Variants in KCNB2 observed in about 807,000 individuals in gnomAD.
KCNB2 encodes the protein delayed rectifier potassium channel protein.
In KCNB2, 15 loss-of-function variants were observed where a neutral mutation model predicts 61.5. The ratio of observed to expected loss-of-function variants is 0.24; its 90% CI spans 0.16 to 0.38. The LOEUF is 0.38. KCNB2 is among the 10% of genes least tolerant of loss of function. KCNB2 has a pLI of 1.00. For missense variants in KCNB2, 828 were observed against 1,125.2 expected (o/e 0.74, Z 3.78); for synonymous variants, 457 against 446.0 (o/e 1.02, Z -0.31).
chr8:72,544,319 G>A (rs1463374306), intron 1 of KCNB2, among the ~76,000 whole-genome samples: 1 of 152,200 alleles, frequency 6.6e-6, no homozygotes, highest in Non-Finnish European at 1.5e-5. Context: ...AGGTGTTTAT[G>A]CCATCCTACA....
intron 2 of KCNB2, among the ~76,000 whole-genome samples, chr8:72,913,574 A>G (rs1167787001): frequency 6.6e-6 from 1 of 152,052 alleles, no homozygotes; most frequent in Non-Finnish European, 1.5e-5. Context: ...TCTCATCTCA[A>G]TCCACAGTGT....
At chr8:72,707,525 T>C (rs1192152674) in intron 2 of KCNB2, among the ~76,000 whole-genome samples, 1 of 152,140 alleles carries the variant, frequency 6.6e-6, no homozygotes, top group African/African-American at 2.4e-5. Context: ...GGTGTGTCAG[T>C]GATATGAGCT....
chr8:72,904,425 T>G (rs1213379580), intron 2 of KCNB2, among the ~76,000 whole-genome samples: 1 of 152,140 alleles, frequency 6.6e-6, no homozygotes, highest in Non-Finnish European at 1.5e-5. Context: ...GACTAATACC[T>G]GGGTGATGGG....
chr8:72,725,499 T>G (rs1807617580), intron 2 of KCNB2, among the ~76,000 whole-genome samples: 1 of 139,574 alleles, frequency 7.2e-6, no homozygotes. Flanking sequence ...TTGGCTTGCT[T>G]TCTTTGTCTT....
chr8:72,695,267 A>G (rs1238158079), intron 2 of KCNB2, among the ~76,000 whole-genome samples: 2 of 152,176 alleles, frequency 1.3e-5, no homozygotes, highest in Non-Finnish European at 2.9e-5. Flanking sequence ...AAATGAAGAG[A>G]TAAATATTTC....
intron 2 of KCNB2, among the ~76,000 whole-genome samples, chr8:72,736,037 A>G (rs1025195556): frequency 6.6e-6 from 1 of 152,182 alleles, no homozygotes; most frequent in African/African-American, 2.4e-5. Context: ...TGTGATTCCA[A>G]AATTCCAACA....
chr8:72,752,762 A>AC (rs1215174027), intron 2 of KCNB2, among the ~76,000 whole-genome samples: 1 of 152,182 alleles, frequency 6.6e-6, no homozygotes, highest in African/African-American at 2.4e-5. Context: ...TCTCTGGAGA[A>AC]CTGTGAATAA....
rs1020508738 is a variant in KCNB2, at chr8:72,937,833, G to T, written c.2478G>T (p.Gln826His). ...LELPGAREEK[Q>H]VDSSPNCFAD... The stretch of plus-strand genomic sequence containing the variant: ...TCCCAGGGGCAAGGGAGGAGAAGCA[G>T]GTGGACTCCAGCCCAAATTGCTTTG... Residue 826 changes from glutamine to histidine, a missense_variant, in exon 3 of 3, where the codon CAG becomes CAT. By Grantham distance (24) the Gln-to-His change is conservative (BLOSUM62 0). Around this residue, in one of 4 missense-constraint regions of KCNB2, gnomAD observed 559 missense variants for 588.4 expected, o/e 0.95. Coordinates refer to ENST00000523207, the MANE Select transcript of KCNB2 (RefSeq NM_004770.3). The T allele has an allele frequency of 3.1e-6, 5 of 1,614,160 alleles. No homozygotes were observed. The highest frequency in any genetic ancestry group is 4.2e-6 in the Non-Finnish European group (5 of 1,180,026).
intron 2 of KCNB2, chr8:72,751,831 C>A (rs1808194972): frequency 6.6e-6 from 1 of 152,178 alleles, no homozygotes; most frequent in African/African-American, 2.4e-5. Context: ...TACACATATG[C>A]CCATACACAC....
intron 2 of KCNB2, among the ~76,000 whole-genome samples, chr8:72,740,420 A>G (rs1047159763): frequency 3.3e-5 from 5 of 152,160 alleles, no homozygotes; most frequent in African/African-American, 1.2e-4. Flanking sequence ...CAAGTTCTTC[A>G]ATAAGAAATT....
chr8:72,825,361 G>T (rs570333110), intron 2 of KCNB2, among the ~76,000 whole-genome samples: 2 of 152,314 alleles, frequency 1.3e-5, no homozygotes, highest in South Asian at 4.1e-4. Context: ...GAACATGGGT[G>T]TACAAATAAC....
chr8:72,851,924 T>C (rs1810123786), intron 2 of KCNB2, among the ~76,000 whole-genome samples: 1 of 147,826 alleles, frequency 6.8e-6, no homozygotes, highest in Non-Finnish European at 1.5e-5. Flanking sequence ...ATCTGGTGTG[T>C]TATGTGTAAA....
chr8:72,646,577 A>G (rs1156730148), intron 2 of KCNB2, among the ~76,000 whole-genome samples: 1 of 152,196 alleles, frequency 6.6e-6, no homozygotes, highest in Non-Finnish European at 1.5e-5. Context: ...ATGCTACAAC[A>G]TGGATGAACC....
At chr8:72,774,365 T>G (rs1046494306) in intron 2 of KCNB2, among the ~76,000 whole-genome samples, 1 of 152,182 alleles carries the variant, frequency 6.6e-6, no homozygotes, top group African/African-American at 2.4e-5. Context: ...TATTATTATT[T>G]TTTGAGACAG....
chr8:72,935,912 A>T, intron 2 of KCNB2, 23 bp from the exon 3 acceptor site: 1 of 1,580,016 alleles, frequency 6.3e-7, no homozygotes, highest in Non-Finnish European at 8.7e-7. Flanking sequence ...GGATTTGCTG[A>T]CTTGGACTTT....
intron 2 of KCNB2, among the ~76,000 whole-genome samples, chr8:72,771,363 A>G (rs1485261813): frequency 6.6e-6 from 1 of 152,046 alleles, no homozygotes; most frequent in Admixed American, 6.5e-5. Flanking sequence ...CTTTTTATAT[A>G]TTTTTTATTT....
At chr8:72,916,267 T>A (rs911793176) in intron 2 of KCNB2, among the ~76,000 whole-genome samples, 1 of 152,064 alleles carries the variant, frequency 6.6e-6, no homozygotes, top group Non-Finnish European at 1.5e-5. Flanking sequence ...ATAAGGGAGA[T>A]TTTTGAGGCA....
At chr8:72,704,585 T>A (rs1179364165) in intron 2 of KCNB2, among the ~76,000 whole-genome samples, 1 of 151,574 alleles carries the variant, frequency 6.6e-6, no homozygotes, top group Non-Finnish European at 1.5e-5. Flanking sequence ...ACAGATAAGA[T>A]GAGCAGTGTG....
chr8:72,606,587 C>T (rs1805455844), intron 2 of KCNB2, among the ~76,000 whole-genome samples: 2 of 152,144 alleles, frequency 1.3e-5, no homozygotes, highest in South Asian at 4.1e-4. Context: ...GAGAGAGGTC[C>T]TCAGCTCCAC....
Sources: gnomAD v4.1 joint callset for allele counts (sites outside exome capture counted in the v4.1 genomes callset) on GRCh38, gnomAD v4.1.1 for gene constraint, gnomAD v4.1.1 regional missense constraint, MANE v1.5 for transcripts, NCBI Gene and HGNC (gene_info 2026-07-23, HGNC 2026-07-21) for gene names.